Variants in NXN observed in about 807,000 individuals in gnomAD.
NXN encodes the protein nucleoredoxin 1.
Under a neutral mutation model 48.6 loss-of-function variants are expected in NXN, and 16 were observed. The observed-to-expected ratio is 0.33, with a 90% CI of 0.22 to 0.50. The LOEUF (loss-of-function observed/expected upper bound fraction) is 0.50. Among genes scored for constraint, NXN ranks in the 20% least tolerant of loss-of-function variants. The probability of loss-of-function intolerance (pLI) is 0.98; values close to 1 mark genes in which losing one functional copy is unlikely to be tolerated. For missense variants in NXN, 492 were observed against 605.5 expected, an observed-to-expected ratio of 0.81 and a Z score of 1.97; for synonymous variants, 281 against 269.6, an observed-to-expected ratio of 1.04 and a Z score of -0.41.
chr17:874,179 C>T (rs2068189834), intron 1 of NXN, among the ~76,000 whole-genome samples: 1 of 152,208 alleles, frequency 6.6e-6, no homozygotes, highest in South Asian at 2.1e-4. Context: ...CCTTCTCCTT[C>T]CTGCCACCAT....
chr17:934,327 T>A (rs965572076), intron 1 of NXN, among the ~76,000 whole-genome samples: 43 of 151,868 alleles, frequency 2.8e-4, no homozygotes, highest in African/African-American at 9.7e-4. Flanking sequence ...GCACCTGTAG[T>A]CCCAGCTACT....
intron 1 of NXN, among the ~76,000 whole-genome samples, chr17:853,189 C>T (rs987670695): frequency 6.6e-5 from 10 of 152,124 alleles, no homozygotes; most frequent in African/African-American, 2.2e-4. Context: ...CGGTGGCTCA[C>T]GCCTGGAATC....
chr17:957,698 C>T (rs1195212199), intron 1 of NXN, among the ~76,000 whole-genome samples: 1 of 151,860 alleles, frequency 6.6e-6, no homozygotes, highest in Non-Finnish European at 1.5e-5. Flanking sequence ...GTGTGGCCTC[C>T]TTGGTCAAAA....
Position 825,720 on chromosome 17 carries a change from C to A in NXN, c.478+241G>T. On this transcript the variant is annotated intron_variant, in intron 2 of 7. Transcript: ENST00000336868. The surrounding 1 kb of genome is among the most constrained non-coding windows in gnomAD (Gnocchi z 4.1). ...CAAGCGGAGCTTCTTACGGCAGAGTCCATCTCTTTTGGCCCATGAATTAAA... is the reference window on the plus strand; with the variant it reads ...CAAGCGGAGCTTCTTACGGCAGAGTACATCTCTTTTGGCCCATGAATTAAA... The A allele has an allele frequency of 2.3e-6, 1 of 440,170 alleles. No individual in the cohort carries two copies. 27.3% of individuals were successfully genotyped at this position (440,170 alleles called of 1,614,324 possible).
intron 1 of NXN, among the ~76,000 whole-genome samples, chr17:847,999 A>G (rs1383062124): frequency 6.6e-6 from 1 of 152,118 alleles, no homozygotes; most frequent in African/African-American, 2.4e-5. Context: ...TCTGCTACAT[A>G]AAGTTGTTAC....
intron 1 of NXN, among the ~76,000 whole-genome samples, chr17:883,228 C>CAATCA (rs1303923468): frequency 6.6e-6 from 1 of 152,230 alleles, no homozygotes; most frequent in East Asian, 1.9e-4. Context: ...ACTCAGACAG[C>CAATCA]GACGGTGTCA....
intron 1 of NXN, chr17:880,057 A>C (rs1210841122): frequency 6.6e-6 from 1 of 152,128 alleles, no homozygotes; most frequent in Non-Finnish European, 1.5e-5. Context: ...ATCAAGTTTG[A>C]GGGTGAGGTT....
chr17:847,244 G>T, intron 1 of NXN, among the ~76,000 whole-genome samples: 1 of 150,396 alleles, frequency 6.6e-6, no homozygotes. Context: ...TTCCCTTCTC[G>T]GCTGCGTGGA....
chr17:960,045 T>A (rs1181083877), intron 1 of NXN, among the ~76,000 whole-genome samples: 1 of 151,878 alleles, frequency 6.6e-6, no homozygotes, highest in Non-Finnish European at 1.5e-5. Context: ...TCAGCCGAGA[T>A]TGCACCACTG....
chr17:913,525 C>T (rs187992780), intron 1 of NXN, among the ~76,000 whole-genome samples: 5 of 152,292 alleles, frequency 3.3e-5, no homozygotes, highest in East Asian at 1.9e-4. Flanking sequence ...AAAGGAGAGT[C>T]GGTCAGTTTC....
chr17:873,865 C>T (rs1382566042), intron 1 of NXN, among the ~76,000 whole-genome samples: 1 of 152,110 alleles, frequency 6.6e-6, no homozygotes, highest in African/African-American at 2.4e-5. Context: ...GTGGGGGAAA[C>T]ACACGGGTTC....
rs549090487 is a variant in NXN, at chr17:919,481, C to G, written c.360+59838G>C. Among the ~76,000 whole-genome samples the G allele has an allele frequency of 2.5e-4, 38 of 152,218 alleles. No individual in the cohort carries two copies. Among genetic ancestry groups the G allele is most frequent in the Admixed American group, 4.6e-4 (7 of 15,282 alleles). The stretch of plus-strand genomic sequence containing the variant: ...TGCTAGAAAACGTGTTATTGTAACA[C>G]GAGGAAAAAGCCCTGTAATCTCAGC... On this transcript the variant is annotated intron_variant, in intron 1 of 7. Coordinates refer to ENST00000336868, the MANE Select transcript of NXN (RefSeq NM_022463.5). The surrounding 1 kb of genome is among the most constrained non-coding windows in gnomAD (Gnocchi z 5.1).
intron 1 of NXN, among the ~76,000 whole-genome samples, chr17:915,571 C>T (rs1170134544): frequency 6.6e-6 from 1 of 152,182 alleles, no homozygotes; most frequent in East Asian, 1.9e-4. Context: ...AGATATAAGA[C>T]ACCACACCTG....
chr17:846,483 AC>A (rs1276566704), intron 1 of NXN, among the ~76,000 whole-genome samples: 2 of 151,956 alleles, frequency 1.3e-5, no homozygotes, highest in African/African-American at 4.8e-5. Flanking sequence ...CGAACAAAGG[AC>A]TTTTAGCAAA....
intron 1 of NXN, among the ~76,000 whole-genome samples, chr17:966,030 CA>C (rs2069298614): frequency 6.6e-6 from 1 of 151,532 alleles, no homozygotes; most frequent in South Asian, 2.1e-4. Flanking sequence ...GCAAGAGAAT[CA>C]CTTGAACCTG....
chr17:811,186 G>A (rs1484492170), intron 5 of NXN, among the ~76,000 whole-genome samples: 1 of 152,164 alleles, frequency 6.6e-6, no homozygotes, highest in Non-Finnish European at 1.5e-5. Flanking sequence ...AACGCTGGAG[G>A]AGCAAAGGGC....
At chr17:979,254 G>A in intron 1 of NXN, 65 bp downstream of exon 1, 2 of 1,240,516 alleles carry the variant, frequency 1.6e-6, no homozygotes, top group South Asian at 2.9e-5. Flanking sequence ...TAACGGGCGT[G>A]GGGGGCGGGC....
In NXN at chr17:927,473, T is replaced by A. The variant is rs369638777; in HGVS notation, c.360+51846A>T. The stretch of plus-strand genomic sequence containing the variant: ...AAAATAAAATAATCAGGCGTGGTGG[T>A]GCACACCTGTGGTCCCAGCTACTTA... On this transcript the variant is annotated intron_variant, in intron 1 of 7. Transcript: ENST00000336868. Among the ~76,000 whole-genome samples the A allele has an allele frequency of 3.4e-5, 5 of 146,636 alleles. No individual in the cohort carries two copies. The East Asian group carries it at 1.0e-3, about 30-fold the overall frequency.
At chr17:925,193 T>G (rs2068787144) in intron 1 of NXN, among the ~76,000 whole-genome samples, 1 of 152,100 alleles carries the variant, frequency 6.6e-6, no homozygotes. Flanking sequence ...TACAGAGACT[T>G]AAGTCAAGAA....
Sources: allele counts gnomAD v4.1 joint callset (sites outside exome capture counted in the v4.1 genomes callset), GRCh38; gene constraint gnomAD v4.1.1; non-coding constraint Gnocchi (gnomAD v3.1); transcripts MANE v1.5; gene names NCBI Gene and HGNC (gene_info 2026-07-23, HGNC 2026-07-21).